Variants in TMEM236 observed in about 807,000 individuals in gnomAD.
TMEM236 encodes family with sequence similarity 23, member A.
TMEM236 carries 11 observed loss-of-function variants against 14.7 expected under a neutral mutation model. The ratio of observed to expected loss-of-function variants is 0.75; its 90% CI spans 0.47 to 1.24. The LOEUF is 1.24. Among genes scored for constraint, TMEM236 ranks in the 50% most tolerant of loss-of-function variants. The pLI is 0.00. For synonymous variants in TMEM236, 182 were observed against 168.6 expected (o/e 1.08, Z -0.62); for missense variants, 464 against 427.3 (o/e 1.09, Z -0.76).
chr10:17,792,938 C>A (rs555166801), intron 3 of TMEM236, among the ~76,000 whole-genome samples: 23 of 152,192 alleles, frequency 1.5e-4, no homozygotes, highest in Non-Finnish European at 2.8e-4. Context: ...ATCCATGACC[C>A]TGTACTTTGC....
chr10:17,758,264 G>C (rs919813080), intron 1 of TMEM236, among the ~76,000 whole-genome samples: 147 of 152,296 alleles, frequency 9.7e-4, no homozygotes, highest in African/African-American at 3.2e-3. Flanking sequence ...AGTTGTTTAT[G>C]TGAAATTTCA....
At chr10:17,755,677 C>T (rs965717520) in intron 1 of TMEM236, among the ~76,000 whole-genome samples, 2 of 152,090 alleles carry the variant, frequency 1.3e-5, no homozygotes, top group African/African-American at 4.8e-5. Context: ...TTTGACTGTC[C>T]AAGATTCCTG....
intron 1 of TMEM236, among the ~76,000 whole-genome samples, chr10:17,754,285 G>T (rs1269753556): frequency 6.6e-6 from 1 of 152,046 alleles, no homozygotes; most frequent in East Asian, 1.9e-4. Flanking sequence ...CATTAACTAC[G>T]ACTTTTAAAA....
intron 3 of TMEM236, among the ~76,000 whole-genome samples, chr10:17,787,881 C>G (rs978093524): frequency 6.6e-6 from 1 of 152,214 alleles, no homozygotes; most frequent in Middle Eastern, 3.4e-3. Context: ...ATTGCTAGCT[C>G]ATGTCTGTAT....
At chr10:17,760,321 A>G (rs1554833870) in intron 1 of TMEM236, among the ~76,000 whole-genome samples, 1 of 148,440 alleles carries the variant, frequency 6.7e-6, no homozygotes, top group African/African-American at 2.5e-5. Flanking sequence ...TTTGTCCTTG[A>G]TCTCTTTTTC....
In TMEM236 at chr10:17,778,762, C is replaced by A. The variant is rs1234515870; in HGVS notation, c.472+2592C>A. Among the ~76,000 whole-genome samples the A allele has an allele frequency of 5.3e-5, 8 of 152,338 alleles. No homozygotes were observed. The South Asian group carries it at 1.7e-3, about 32-fold the overall frequency. ...TATGGACACTCTCACAGCATCCTAA[C>A]CATCTTCATTCCAAGCTACAAAACT... On this transcript the variant is annotated intron_variant, in intron 3 of 3. Transcript: ENST00000377495.
chr10:17,753,388 C>T (rs1303167624), intron 1 of TMEM236, among the ~76,000 whole-genome samples: 1 of 152,092 alleles, frequency 6.6e-6, no homozygotes, highest in Admixed American at 6.6e-5. Flanking sequence ...TTTCCTGATC[C>T]TCTCCCTCCC....
At chr10:17,759,548 C>G (rs1056872437) in intron 1 of TMEM236, among the ~76,000 whole-genome samples, 38 of 152,228 alleles carry the variant, frequency 2.5e-4, no homozygotes, top group African/African-American at 8.4e-4. Context: ...TGGTGGTGAT[C>G]ATAGTAGTAG....
At chr10:17,787,297 C>G (rs1837853630) in intron 3 of TMEM236, among the ~76,000 whole-genome samples, 1 of 152,220 alleles carries the variant, frequency 6.6e-6, no homozygotes, top group Non-Finnish European at 1.5e-5. Context: ...TACATCCTCT[C>G]TTAGTGTTGA....
chr10:17,787,599 T>C (rs1299771328), intron 3 of TMEM236, among the ~76,000 whole-genome samples: 1 of 152,312 alleles, frequency 6.6e-6, no homozygotes, highest in Non-Finnish European at 1.5e-5. Flanking sequence ...GCTAATAGAT[T>C]CCAGAAAAGA....
intron 1 of TMEM236, among the ~76,000 whole-genome samples, chr10:17,769,351 TTG>T (rs1194191877): frequency 1.3e-5 from 2 of 152,106 alleles, no homozygotes; most frequent in African/African-American, 4.8e-5. Flanking sequence ...TAAGTCTGAG[TTG>T]TGTCTTTGCC....
intron 2 of TMEM236, among the ~76,000 whole-genome samples, chr10:17,771,951 C>G (rs1837580407): frequency 6.6e-6 from 1 of 152,144 alleles, no homozygotes; most frequent in Non-Finnish European, 1.5e-5. Context: ...GAAGAATGCC[C>G]CACTAATCTT....
intron 3 of TMEM236, among the ~76,000 whole-genome samples, chr10:17,782,315 C>G (rs1408080843): frequency 6.6e-6 from 1 of 152,092 alleles, no homozygotes; most frequent in Non-Finnish European, 1.5e-5. Flanking sequence ...GGTAAACCAA[C>G]CATAACCCTA....
At chr10:17,788,272 T>C (rs1837869533) in intron 3 of TMEM236, among the ~76,000 whole-genome samples, 1 of 151,406 alleles carries the variant, frequency 6.6e-6, no homozygotes, top group South Asian at 2.1e-4. Context: ...AGTCTAACCA[T>C]ATATCTCTTG....
rs1196468863 is a variant in TMEM236 at position 17,798,668 on chromosome 10, T to G, written c.*2164T>G. The stretch of plus-strand genomic sequence containing the variant: ...ACTGTAAAAGAAGATTTACTCACAG[T>G]TGTTAAAAGCTTGCCTTCCAGCTTT... On this transcript the variant is annotated 3_prime_UTR_variant, in exon 4 of 4. Coordinates refer to ENST00000377495, the MANE Select transcript of TMEM236 (RefSeq NM_001098844.3). 2 of 534,476 alleles carry G rather than the reference T, an allele frequency of 3.7e-6. No individual in the cohort carries two copies. Among genetic ancestry groups the G allele is most frequent in the Admixed American group, 3.9e-5 (2 of 51,584 alleles). 33.1% of individuals were successfully genotyped at this position (534,476 alleles called of 1,614,324 possible).
chr10:17,771,270 G>A, intron 1 of TMEM236, 39 bp from the exon 2 acceptor site: 2 of 1,585,712 alleles, frequency 1.3e-6, no homozygotes, highest in Non-Finnish European at 1.7e-6. Context: ...TGTCGATCTT[G>A]TCCATGATTG....
chr10:17,770,060 C>A lies in TMEM236; in HGVS notation c.258-1249C>A, dbSNP rs542811291. The stretch of plus-strand genomic sequence containing the variant: ...GTCCATGAGTACCCAACGTTTAGCT[C>A]CCACTTATAAGTGAGAACATACAGT... On this transcript the variant is annotated intron_variant, in intron 1 of 3. Coordinates refer to ENST00000377495, the MANE Select transcript of TMEM236 (RefSeq NM_001098844.3). Among the ~76,000 whole-genome samples the A allele has an allele frequency of 3.2e-3, 484 of 152,212 alleles. 3 individuals are homozygous for A. The highest frequency in any genetic ancestry group is 0.014 in the Middle Eastern group (4 of 294).
intron 1 of TMEM236, among the ~76,000 whole-genome samples, chr10:17,766,879 T>G (rs1283632772): frequency 1.3e-5 from 2 of 152,100 alleles, no homozygotes; most frequent in Non-Finnish European, 2.9e-5. Flanking sequence ...ATCTTTGATG[T>G]TTCTTGGCTT....
At chr10:17,770,544 C>G (rs1224294814) in intron 1 of TMEM236, among the ~76,000 whole-genome samples, 1 of 151,996 alleles carries the variant, frequency 6.6e-6, no homozygotes, top group African/African-American at 2.4e-5. Flanking sequence ...CCACCACGCC[C>G]GGCTAATATT....
Sources: gnomAD v4.1 joint callset for allele counts (sites outside exome capture counted in the v4.1 genomes callset) on GRCh38, gnomAD v4.1.1 for gene constraint, MANE v1.5 for transcripts, NCBI Gene and HGNC (gene_info 2026-07-23, HGNC 2026-07-21) for gene names.